The following RBMS1 variants were observed in gnomAD, a reference collection of about 807,000 sequenced individuals.
RBMS1 encodes the protein RNA-binding motif, single-stranded-interacting protein 1.
Under a neutral mutation model 62.3 loss-of-function variants are expected in RBMS1, and 17 were observed. The observed-to-expected ratio is 0.27, with a 90% CI of 0.19 to 0.41. The LOEUF (loss-of-function observed/expected upper bound fraction) is 0.41. Ranked by LOEUF, RBMS1 falls within the 10% of genes least tolerant of loss-of-function variation. The pLI is 1.00. For synonymous variants in RBMS1, 172 were observed against 170.0 expected (o/e 1.01, Z -0.09); for missense variants, 334 against 504.5 (o/e 0.66, Z 3.24).
chr2:160,377,886 T>C (rs946970467), intron 1 of RBMS1, among the ~76,000 whole-genome samples: 7 of 152,188 alleles, frequency 4.6e-5, no homozygotes, highest in South Asian at 2.1e-4. Flanking sequence ...GAACTGGGCT[T>C]CCAGTCCCGA....
chr2:160,314,376 T>C (rs1420249240), intron 3 of RBMS1, among the ~76,000 whole-genome samples: 4 of 152,146 alleles, frequency 2.6e-5, no homozygotes, highest in Admixed American at 2.0e-4. Flanking sequence ...AAGAATACTT[T>C]GCAAAAGAAA....
intron 1 of RBMS1, among the ~76,000 whole-genome samples, chr2:160,484,800 G>A (rs1341461675): frequency 6.6e-6 from 1 of 151,764 alleles, no homozygotes; most frequent in African/African-American, 2.4e-5. Context: ...GAACCCGGGA[G>A]GCGGAGCTTG....
At position 160,424,370 on chromosome 2, in the gene RBMS1, G is replaced by GT. The variant is rs1032068334; in HGVS notation, c.76-56980_76-56979insA. ...TTAAGCCAGAGGTGAGAGATTGGGG[G>GT]GGGGGGGAAACAAAAAGAAAGATGT... On this transcript the variant is annotated intron_variant, in intron 1 of 13. Transcript: ENST00000348849. 8.7e-5 allele frequency among the ~76,000 whole-genome samples: 13 copies of GT among 148,766 alleles called. No homozygotes were observed. The East Asian group carries it at 1.6e-3, about 19-fold the overall frequency.
chr2:160,442,378 T>C (rs1213282977), intron 1 of RBMS1, among the ~76,000 whole-genome samples: 1 of 152,234 alleles, frequency 6.6e-6, no homozygotes, highest in Non-Finnish European at 1.5e-5. Flanking sequence ...TTCTTAGTAC[T>C]ACATTTGCCC....
intron 2 of RBMS1, among the ~76,000 whole-genome samples, chr2:160,363,816 T>A (rs1157446269): frequency 6.6e-6 from 1 of 151,538 alleles, no homozygotes; most frequent in African/African-American, 2.4e-5. Flanking sequence ...GAGTGGAGAA[T>A]AACCCTATCA....
chr2:160,275,514 G>A (rs771897515), intron 13 of RBMS1, 116 bp downstream of exon 13: 9 of 1,461,136 alleles, frequency 6.2e-6, no homozygotes, highest in Admixed American at 4.5e-5. Flanking sequence ...CCTTGGCCAC[G>A]ATTAAAGCAG....
intron 1 of RBMS1, among the ~76,000 whole-genome samples, chr2:160,461,279 GAA>G (rs1684453818): frequency 6.8e-6 from 1 of 147,038 alleles, no homozygotes; most frequent in Non-Finnish European, 1.5e-5. Flanking sequence ...GAGAGGGAGA[GAA>G]AGAAAGAGAG....
intron 9 of RBMS1, chr2:160,281,646 C>A: frequency 3.4e-6 from 1 of 297,890 alleles, no homozygotes; most frequent in South Asian, 6.1e-5. Flanking sequence ...GGGCCCCACC[C>A]TCAAGAAATT....
intron 1 of RBMS1, among the ~76,000 whole-genome samples, chr2:160,421,351 A>G (rs1326617792): frequency 2.0e-5 from 3 of 151,492 alleles, no homozygotes; most frequent in African/African-American, 2.4e-5. Flanking sequence ...CCTGTATCCA[A>G]GTGTTCTCAT....
chr2:160,305,364 T>C (rs1026588524), intron 4 of RBMS1, among the ~76,000 whole-genome samples: 1 of 152,186 alleles, frequency 6.6e-6, no homozygotes, highest in Non-Finnish European at 1.5e-5. Flanking sequence ...TTACTGTACC[T>C]TTTCTATATT....
chr2:160,310,047 A>G (rs1293526956), intron 4 of RBMS1, among the ~76,000 whole-genome samples: 6 of 152,248 alleles, frequency 3.9e-5, no homozygotes, highest in African/African-American at 7.2e-5. Context: ...TCAGAAATTC[A>G]GCATCAAAAT....
chr2:160,285,094 T>TA, intron 7 of RBMS1, 50 bp from the exon 8 acceptor site: 1 of 1,565,990 alleles, frequency 6.4e-7, no homozygotes. Flanking sequence ...AGGCATGATT[T>TA]AAAAATTCTA....
At chr2:160,367,139 A>T in intron 2 of RBMS1, 77 bp downstream of exon 2, 2 of 1,364,964 alleles carry the variant, frequency 1.5e-6, no homozygotes, top group Non-Finnish European at 2.0e-6. Flanking sequence ...CTTCTCTTAT[A>T]ATGCAGTATA....
intron 1 of RBMS1, among the ~76,000 whole-genome samples, chr2:160,395,224 T>C (rs1695072361): frequency 6.6e-6 from 1 of 152,224 alleles, no homozygotes; most frequent in African/African-American, 2.4e-5. Context: ...CTTTGTAAAA[T>C]GAGTATTTTA....
chr2:160,407,978 C>CAT, intron 1 of RBMS1: 2 of 937,596 alleles, frequency 2.1e-6, no homozygotes, highest in Non-Finnish European at 2.5e-6. Flanking sequence ...CCGCGCCTCC[C>CAT]CGCCCGCCCG....
Position 160,476,847 on chromosome 2 carries a change from C to A in RBMS1, c.75+16442G>T, listed in dbSNP as rs140097660. Among the ~76,000 whole-genome samples, 1,267 of 152,216 alleles carry A rather than the reference C, an allele frequency of 8.3e-3. 22 individuals carry two copies. The highest frequency in any genetic ancestry group is 0.027 in the African/African-American group (1,126 of 41,540). On this transcript the variant is annotated intron_variant, in intron 1 of 13. Coordinates refer to ENST00000348849, the MANE Select transcript of RBMS1 (RefSeq NM_016836.4). Reference sequence around the variant, plus strand: ...GGGATTACAGGCGTGAGCCACCGCGCCCGGCCCAAAACACACTTCTTGTCT... The same window carrying A: ...GGGATTACAGGCGTGAGCCACCGCGACCGGCCCAAAACACACTTCTTGTCT...
intron 6 of RBMS1, among the ~76,000 whole-genome samples, chr2:160,287,749 T>G (rs771101705): frequency 1.3e-5 from 2 of 152,190 alleles, no homozygotes; most frequent in Non-Finnish European, 2.9e-5. Context: ...GAAATAGGTC[T>G]CATATGTTTA....
intron 2 of RBMS1, among the ~76,000 whole-genome samples, chr2:160,336,439 C>A (rs1474814835): frequency 6.6e-6 from 1 of 152,008 alleles, no homozygotes; most frequent in Non-Finnish European, 1.5e-5. Context: ...GATATTGTAT[C>A]CTGGGAGACA....
At chr2:160,295,913 G>A (rs750986358) in intron 6 of RBMS1, among the ~76,000 whole-genome samples, 1 of 152,170 alleles carries the variant, frequency 6.6e-6, no homozygotes, top group African/African-American at 2.4e-5. Context: ...AACTTTCCTT[G>A]TTGCACACAA....
Sources: allele counts gnomAD v4.1 joint callset (sites outside exome capture counted in the v4.1 genomes callset), GRCh38; gene constraint gnomAD v4.1.1; transcripts MANE v1.5; gene names NCBI Gene and HGNC (gene_info 2026-07-23, HGNC 2026-07-21).